The following SYN3 variants were observed in gnomAD, a reference collection of about 807,000 sequenced individuals.
SYN3 encodes the protein synapsin-3.
A neutral mutation model predicts 65.8 loss-of-function variants in SYN3; 35 were observed. The ratio of observed to expected loss-of-function variants is 0.53; its 90% CI spans 0.41 to 0.70. SYN3 has a LOEUF of 0.70. SYN3 is among the 30% of genes least tolerant of loss of function. SYN3 has a pLI of 0.00. For synonymous variants in SYN3, 270 were observed against 292.9 expected, an observed-to-expected ratio of 0.92 and a Z score of 0.80; for missense variants, 680 against 749.0, an observed-to-expected ratio of 0.91 and a Z score of 1.08.
In SYN3 at chr22:32,931,415, C is replaced by T. The variant is rs200324473; in HGVS notation, c.436G>A (p.Val146Met). 545 of 1,613,484 alleles carry T rather than the reference C, an allele frequency of 3.4e-4. 1 individual carries two copies. Among genetic ancestry groups the T allele is most frequent in the Middle Eastern group, 1.7e-3 (10 of 6,056 alleles). Residue 146 changes from valine to methionine, a missense_variant, in exon 4 of 14, where the codon GTG (valine) becomes ATG (methionine). By Grantham distance (21) the Val-to-Met change is conservative. Coordinates refer to ENST00000358763, the MANE Select transcript of SYN3 (RefSeq NM_003490.4). ...CTCACCACTTTGGTCCCATTTCTCACGACCTGCATGTCCACCATGCAGCCC... is the reference window on the plus strand; with the variant it reads ...CTCACCACTTTGGTCCCATTTCTCATGACCTGCATGTCCACCATGCAGCCC... ...TGGCMVDMQV[V>M]RNGTKVVSRS... is the part of the protein sequence containing the mutation.
chr22:33,046,104 T>C (rs746389635), intron 1 of SYN3, among the ~76,000 whole-genome samples: 8 of 151,912 alleles, frequency 5.3e-5, no homozygotes, highest in Non-Finnish European at 1.2e-4. Flanking sequence ...TTCAACATAA[T>C]TAGCAAATTA....
At chr22:32,583,616 T>C (rs73399223) in intron 7 of SYN3, among the ~76,000 whole-genome samples, 7,324 of 152,310 alleles carry the variant, frequency 0.048, 388 homozygotes, top group African/African-American at 0.13. Flanking sequence ...CTTTGATCTC[T>C]GCTTATCTCA....
At chr22:32,760,286 C>G (rs2145715324) in intron 6 of SYN3, among the ~76,000 whole-genome samples, 1 of 149,738 alleles carries the variant, frequency 6.7e-6, no homozygotes, top group African/African-American at 2.5e-5. Context: ...AGGAAGGTCT[C>G]CCTCCATTCT....
chr22:32,725,868 G>A lies in SYN3; in HGVS notation c.712-129132C>T, dbSNP rs79884460. On this transcript the variant is annotated intron_variant, in intron 6 of 13. Transcript: ENST00000358763. ...ATGCTTAGTCAATATTTAGTCTGAC[G>A]TTGGTCACTGTAGCTCTATTCTCCG... Among the ~76,000 whole-genome samples, 201 of 152,304 alleles carry A rather than the reference G, an allele frequency of 1.3e-3. 2 individuals are homozygous for A. The East Asian group carries it at 0.032, about 24-fold the overall frequency.
intron 6 of SYN3, among the ~76,000 whole-genome samples, chr22:32,658,856 G>A (rs935425287): frequency 5.3e-5 from 8 of 152,312 alleles, no homozygotes; most frequent in African/African-American, 1.9e-4. Flanking sequence ...GGATGGGGGC[G>A]TGAGGAAGCA....
chr22:32,929,352 T>A (rs956861058), intron 4 of SYN3, among the ~76,000 whole-genome samples: 1 of 138,652 alleles, frequency 7.2e-6, no homozygotes. Flanking sequence ...GATATCTCCA[T>A]ACCTGATTTT....
At chr22:32,849,949 T>C (rs2048174008) in intron 6 of SYN3, among the ~76,000 whole-genome samples, 1 of 151,822 alleles carries the variant, frequency 6.6e-6, no homozygotes, top group African/African-American at 2.4e-5. Context: ...GACTCAACAG[T>C]GCTTACAGGT....
intron 1 of SYN3, chr22:33,015,236 A>G: frequency 2.2e-6 from 1 of 451,268 alleles, no homozygotes; most frequent in South Asian, 2.9e-5. Flanking sequence ...AAAAAAAAAA[A>G]AAAAAACTAC....
At chr22:32,858,942 T>G (rs1205825583) in intron 6 of SYN3, among the ~76,000 whole-genome samples, 3 of 152,168 alleles carry the variant, frequency 2.0e-5, no homozygotes, top group African/African-American at 7.2e-5. Context: ...TTACTTAACC[T>G]CTCAGAGCCT....
chr22:33,014,650 G>T (rs2053425515), intron 1 of SYN3: 2 of 152,336 alleles, frequency 1.3e-5, no homozygotes, highest in African/African-American at 4.8e-5. Context: ...CGTGGTGGCA[G>T]GTGCCTGTAG....
intron 7 of SYN3, among the ~76,000 whole-genome samples, chr22:32,593,351 G>T (rs140598057): frequency 3.0e-3 from 454 of 150,430 alleles, no homozygotes; most frequent in African/African-American, 0.011. Flanking sequence ...TTTATGTCCT[G>T]TTGGGGATTA....
intron 6 of SYN3, among the ~76,000 whole-genome samples, chr22:32,607,016 C>G (rs919871688): frequency 1.3e-5 from 2 of 151,212 alleles, no homozygotes; most frequent in Admixed American, 1.3e-4. Flanking sequence ...CCGCCTCCCC[C>G]CACCCCACAA....
At chr22:32,846,495 G>C (rs987352207) in intron 6 of SYN3, among the ~76,000 whole-genome samples, 2 of 152,196 alleles carry the variant, frequency 1.3e-5, no homozygotes, top group African/African-American at 4.8e-5. Flanking sequence ...AACACATGAG[G>C]TTTGGGATGG....
chr22:32,811,171 TG>T (rs2046906093), intron 6 of SYN3, among the ~76,000 whole-genome samples: 1 of 151,540 alleles, frequency 6.6e-6, no homozygotes, highest in African/African-American at 2.4e-5. Flanking sequence ...TAATAAAATT[TG>T]GGGGCAGCAG....
intron 7 of SYN3, among the ~76,000 whole-genome samples, chr22:32,550,356 A>T (rs17773117): frequency 9.1e-6 from 1 of 109,298 alleles, no homozygotes; most frequent in Non-Finnish European, 1.9e-5. Context: ...TAATTTGTTT[A>T]ACCACATTAA....
chr22:32,980,604 A>G (rs2052341935), intron 3 of SYN3, 41 bp downstream of exon 3: 1 of 1,597,198 alleles, frequency 6.3e-7, no homozygotes, highest in Non-Finnish European at 8.6e-7. Context: ...CAGCGGCAGA[A>G]AAGGTCAGTT....
At chr22:32,649,177 CACAA>C (rs1304306618) in intron 6 of SYN3, among the ~76,000 whole-genome samples, 2 of 152,278 alleles carry the variant, frequency 1.3e-5, no homozygotes, top group East Asian at 1.9e-4. Context: ...GCAAACGTGA[CACAA>C]ACAGTGGCTT....
At chr22:32,761,781 C>T (rs765178229) in intron 6 of SYN3, among the ~76,000 whole-genome samples, 8 of 152,200 alleles carry the variant, frequency 5.3e-5, no homozygotes, top group Non-Finnish European at 1.0e-4. Flanking sequence ...AGCGAAACAA[C>T]CTCAAAACCA....
Position 32,801,717 on chromosome 22 carries a change from A to T in SYN3, c.711+63198T>A. 1 of 197,186 alleles carries T rather than the reference A, an allele frequency of 5.1e-6. No individual in the cohort carries two copies. The highest frequency in any genetic ancestry group is 1.0e-5 in the Non-Finnish European group (1 of 99,756). 12.2% of individuals were successfully genotyped at this position (197,186 alleles called of 1,614,324 possible). On this transcript the variant is annotated intron_variant, in intron 6 of 13. Coordinates refer to ENST00000358763, the MANE Select transcript of SYN3 (RefSeq NM_003490.4). This position sits in a 1 kb window ranked among gnomAD's most constrained non-coding sequence, Gnocchi z 4.7. Reference sequence around the variant, plus strand: ...CAGGCAGCGGCGCAGAGCGGGCAGCAGGCAGGCGGCGGGCGCTCAGACGGC... The same window carrying T: ...CAGGCAGCGGCGCAGAGCGGGCAGCTGGCAGGCGGCGGGCGCTCAGACGGC...
Sources: gnomAD v4.1 joint callset for allele counts (sites outside exome capture counted in the v4.1 genomes callset) on GRCh38, gnomAD v4.1.1 for gene constraint, Gnocchi (gnomAD v3.1) non-coding constraint, MANE v1.5 for transcripts, NCBI Gene and HGNC (gene_info 2026-07-23, HGNC 2026-07-21) for gene names.